Variants in CFAP299 observed in about 807,000 individuals in gnomAD.
CFAP299 encodes the protein cilia- and flagella-associated protein 299.
Under a neutral mutation model 27.0 loss-of-function variants are expected in CFAP299, and 21 were observed. The observed-to-expected ratio is 0.78, with a 90% CI of 0.55 to 1.12. CFAP299 has a LOEUF of 1.12. CFAP299 is among the 50% of genes most tolerant of loss of function. The pLI is 0.00. For missense variants in CFAP299, 310 were observed against 276.6 expected, an observed-to-expected ratio of 1.12 and a Z score of -0.86; for synonymous variants, 104 against 98.1, an observed-to-expected ratio of 1.06 and a Z score of -0.36.
intron 2 of CFAP299, among the ~76,000 whole-genome samples, chr4:80,435,098 T>A (rs1284650164): frequency 1.3e-5 from 2 of 152,152 alleles, no homozygotes; most frequent in Non-Finnish European, 2.9e-5. Flanking sequence ...TACTATAATT[T>A]GAGGACTTTA....
Position 80,864,537 on chromosome 4 carries a change from T to C in CFAP299, c.334-5456T>C, listed in dbSNP as rs576743941. 1.0e-4 allele frequency among the ~76,000 whole-genome samples: 15 copies of C among 147,704 alleles called. No individual in the cohort carries two copies. The East Asian group carries it at 2.9e-3, about 29-fold the overall frequency. Reference sequence around the variant, plus strand: ...ATATATACGTATATATACATATACGTATATATAGGTATATATATATAATAA... The same window carrying C: ...ATATATACGTATATATACATATACGCATATATAGGTATATATATATAATAA... On this transcript the variant is annotated intron_variant, in intron 3 of 5. Transcript: ENST00000358105.
intron 2 of CFAP299, among the ~76,000 whole-genome samples, chr4:80,575,799 C>A (rs1019714478): frequency 6.6e-6 from 1 of 152,014 alleles, no homozygotes; most frequent in Non-Finnish European, 1.5e-5. Context: ...GTACTGCTTT[C>A]GCTGAATCCC....
chr4:80,327,372 A>G, the CFAP299 span, among the ~76,000 whole-genome samples: 2 of 152,036 alleles, frequency 1.3e-5, no homozygotes, highest in Admixed American at 6.6e-5. Context: ...AGACCAGAAA[A>G]ATAGCCAGGG....
At chr4:80,730,510 G>A (rs1307042797) in intron 3 of CFAP299, among the ~76,000 whole-genome samples, 8 of 151,290 alleles carry the variant, frequency 5.3e-5, no homozygotes, top group South Asian at 2.1e-4. Context: ...TGGGCACAGT[G>A]GCTACCAGCT....
chr4:80,591,630 T>C (rs1736797213), intron 3 of CFAP299, among the ~76,000 whole-genome samples: 1 of 152,114 alleles, frequency 6.6e-6, no homozygotes. Context: ...TTTCACTCTG[T>C]TGGAAAGGGA....
chr4:80,554,190 A>G (rs1037290858), intron 2 of CFAP299, among the ~76,000 whole-genome samples: 3 of 152,180 alleles, frequency 2.0e-5, no homozygotes, highest in African/African-American at 7.2e-5. Context: ...GAAGGGGTCC[A>G]GCTTCAATCT....
At chr4:80,469,441 T>C (rs1729875093) in intron 2 of CFAP299, among the ~76,000 whole-genome samples, 1 of 152,226 alleles carries the variant, frequency 6.6e-6, no homozygotes, top group Non-Finnish European at 1.5e-5. Context: ...AGTTTTCTCA[T>C]CTGTTAAGTG....
intron 2 of CFAP299, chr4:80,386,312 G>A: frequency 7.6e-7 from 1 of 1,307,808 alleles, no homozygotes; most frequent in Non-Finnish European, 1.1e-6. Flanking sequence ...CAGATTCTGT[G>A]CCCACCGCAC....
At chr4:80,913,774 G>A (rs541223137) in intron 4 of CFAP299, among the ~76,000 whole-genome samples, 1 of 152,246 alleles carries the variant, frequency 6.6e-6, no homozygotes, top group African/African-American at 2.4e-5. Flanking sequence ...AATGTGTACA[G>A]TAATCTACAC....
chr4:80,755,641 C>T (rs1560735333), intron 3 of CFAP299, among the ~76,000 whole-genome samples: 3 of 152,214 alleles, frequency 2.0e-5, no homozygotes, highest in African/African-American at 7.2e-5. Context: ...GATGAATCTT[C>T]GTCACTGCTT....
At chr4:80,432,246 G>T (rs1317256372) in intron 2 of CFAP299, among the ~76,000 whole-genome samples, 1 of 151,912 alleles carries the variant, frequency 6.6e-6, no homozygotes, top group East Asian at 1.9e-4. Context: ...CCCCCTCCAG[G>T]GTTCAAGTGA....
At position 80,367,487 on chromosome 4, in the gene CFAP299, C is replaced by A. The variant is rs17004887; in HGVS notation, c.242+4603C>A. On this transcript the variant is annotated intron_variant, in intron 2 of 5. Coordinates refer to ENST00000358105, the MANE Select transcript of CFAP299 (RefSeq NM_152770.3). ...CTTTACTTCTTTGTCTTAATTTGTA[C>A]CTGTTCCTTCACTAAGGCCCTTTTT... 6.4e-3 allele frequency among the ~76,000 whole-genome samples: 979 copies of A among 152,206 alleles called. 16 individuals are homozygous for A. Among genetic ancestry groups the A allele is most frequent in the African/African-American group, 0.023 (938 of 41,522 alleles).
At chr4:80,752,323 C>T (rs1291130949) in intron 3 of CFAP299, among the ~76,000 whole-genome samples, 1 of 151,266 alleles carries the variant, frequency 6.6e-6, no homozygotes, top group Non-Finnish European at 1.5e-5. Context: ...TGCCACGGAC[C>T]ACAGTTGCTT....
At chr4:80,765,860 A>G (rs771518184) in intron 3 of CFAP299, among the ~76,000 whole-genome samples, 3 of 152,174 alleles carry the variant, frequency 2.0e-5, no homozygotes, top group African/African-American at 4.8e-5. Context: ...ATAGAATTCA[A>G]TAAATTACCT....
chr4:80,581,646 G>T (rs1186638458), intron 2 of CFAP299, among the ~76,000 whole-genome samples: 1 of 151,150 alleles, frequency 6.6e-6, no homozygotes, highest in African/African-American at 2.4e-5. Flanking sequence ...CAATCACTAG[G>T]TGTATTTTAT....
intron 2 of CFAP299, among the ~76,000 whole-genome samples, chr4:80,569,969 T>C (rs1457214585): frequency 2.6e-5 from 4 of 151,948 alleles, no homozygotes; most frequent in African/African-American, 9.7e-5. Flanking sequence ...TTGGTAGTGA[T>C]ACAAAGAAAA....
intron 2 of CFAP299, among the ~76,000 whole-genome samples, chr4:80,412,160 G>A (rs915901522): frequency 3.3e-5 from 5 of 152,116 alleles, no homozygotes; most frequent in Non-Finnish European, 5.9e-5. Flanking sequence ...CCTGTACTGT[G>A]CTTCCCTTCT....
rs1002376243 is a variant in CFAP299, at chr4:80,798,970, C to T, written c.334-71023C>T. Among the ~76,000 whole-genome samples the T allele has an allele frequency of 6.6e-5, 10 of 150,862 alleles. No homozygotes were observed. In the South Asian group the frequency reaches 1.7e-3, roughly 25 times the overall value. ...GGGTCTAATCATATTAAGTAGCCAACTCCAGAAACCCCCAAAACAATAAAA... is the reference window on the plus strand; with the variant it reads ...GGGTCTAATCATATTAAGTAGCCAATTCCAGAAACCCCCAAAACAATAAAA... On this transcript the variant is annotated intron_variant, in intron 3 of 5. Transcript: ENST00000358105.
chr4:80,743,707 C>A (rs911131328), intron 3 of CFAP299, among the ~76,000 whole-genome samples: 1 of 152,126 alleles, frequency 6.6e-6, no homozygotes, highest in South Asian at 2.1e-4. Context: ...AGGACAAATA[C>A]CTAATGCATG....
Sources: allele counts gnomAD v4.1 joint callset (sites outside exome capture counted in the v4.1 genomes callset), GRCh38; gene constraint gnomAD v4.1.1; transcripts MANE v1.5; gene names NCBI Gene and HGNC (gene_info 2026-07-23, HGNC 2026-07-21).